ADGRB3: variants seen among roughly 807,000 people sequenced by gnomAD.
ADGRB3 encodes the protein brain-specific angiogenesis inhibitor 3.
In ADGRB3, 37 loss-of-function variants were observed where a neutral mutation model predicts 193.4. The observed-to-expected ratio is 0.19, with a 90% confidence interval of 0.15 to 0.25. The LOEUF is 0.25. Ranked by LOEUF, ADGRB3 falls within the 10% of genes least tolerant of loss-of-function variation. ADGRB3 has a pLI of 1.00. For synonymous variants in ADGRB3, 690 were observed against 644.2 expected (o/e 1.07, Z -1.08); for missense variants, 1,637 against 1,852.9 (o/e 0.88, Z 2.14).
chr6:69,320,187 T>C (rs959516482), intron 20 of ADGRB3, among the ~76,000 whole-genome samples: 1 of 151,526 alleles, frequency 6.6e-6, no homozygotes, highest in Non-Finnish European at 1.5e-5. Context: ...AATACTTTTA[T>C]GTTCCTCTAC....
chr6:68,746,579 C>G (rs968035614), intron 3 of ADGRB3, among the ~76,000 whole-genome samples: 1 of 151,784 alleles, frequency 6.6e-6, no homozygotes, highest in Non-Finnish European at 1.5e-5. Context: ...TCTCAATGAC[C>G]CTTTGTTTTT....
intron 3 of ADGRB3, among the ~76,000 whole-genome samples, chr6:68,850,013 A>G (rs1768365088): frequency 6.6e-6 from 1 of 151,956 alleles, no homozygotes; most frequent in African/African-American, 2.4e-5. Context: ...ACATATTTAA[A>G]ATATGTGTAA....
intron 10 of ADGRB3, among the ~76,000 whole-genome samples, chr6:68,989,713 C>T (rs1769178749): frequency 6.6e-6 from 1 of 152,026 alleles, no homozygotes; most frequent in South Asian, 2.1e-4. Context: ...CAATTTAAAT[C>T]TAGGTTTTAT....
At chr6:69,031,722 C>T (rs1377161813) in intron 13 of ADGRB3, among the ~76,000 whole-genome samples, 1 of 151,502 alleles carries the variant, frequency 6.6e-6, no homozygotes, top group African/African-American at 2.4e-5. Context: ...ACAACCTCCA[C>T]CTCCTGGGCT....
chr6:69,339,311 G>A (rs556981711), intron 25 of ADGRB3, 22 bp from the exon 26 acceptor site: 1 of 1,610,418 alleles, frequency 6.2e-7, no homozygotes, highest in South Asian at 1.1e-5. Flanking sequence ...GCTACGTAAT[G>A]TTACTTTCTT....
intron 10 of ADGRB3, among the ~76,000 whole-genome samples, chr6:68,979,713 A>G (rs1768852595): frequency 6.6e-6 from 1 of 151,540 alleles, no homozygotes; most frequent in Non-Finnish European, 1.5e-5. Flanking sequence ...AATTAACAAT[A>G]TCATTTCTTA....
At chr6:69,214,199 G>C (rs536180087) in intron 17 of ADGRB3, among the ~76,000 whole-genome samples, 352 of 152,254 alleles carry the variant, frequency 2.3e-3, no homozygotes, top group African/African-American at 8.0e-3. Flanking sequence ...GGAATATGCA[G>C]GAGGAATTTG....
Position 68,993,897 on chromosome 6 carries a change from A to T in ADGRB3, c.1864A>T (p.Ile622Phe), listed in dbSNP as rs1259195497. The change falls in exon 11 of 32, where the codon ATC (isoleucine) becomes TTC (phenylalanine). Residue 622 changes from isoleucine to phenylalanine, a missense_variant. Physicochemically the swap from Ile to Phe is conservative, Grantham distance 21. Transcript: ENST00000370598. Reference protein sequence around the residue: ...YAGDLLMSVEILRNVTDTFKR... With the variant: ...YAGDLLMSVEFLRNVTDTFKR... ...AGGCGATCTTCTGATGTCTGTGGAG[A>T]TCCTGAGAAATGTGACAGACACATT... 6.2e-7 allele frequency: 1 copy of T among 1,613,898 alleles called. No individual in the cohort carries two copies. The highest frequency in any genetic ancestry group is 8.5e-7 in the Non-Finnish European group (1 of 1,179,852).
At position 69,361,461 on chromosome 6, in the gene ADGRB3, A is replaced by G. The variant is rs144565451; in HGVS notation, c.4188A>G (p.Ala1396=). ...NFMASELDDN[A]GLSRSETGST... ...TGGCCTCTGAGTTGGATGATAATGC[A>G]GGACTATCAAGAAGTGAAACTGGAT... is the stretch of plus-strand genomic sequence containing the variant. The change falls in exon 29 of 32, where the codon GCA becomes GCG. Residue 1396 remains alanine (A), a synonymous_variant. Transcript: ENST00000370598. The G allele has an allele frequency of 1.1e-4, 182 of 1,612,754 alleles. No homozygotes were observed. In the African/African-American group the frequency reaches 2.0e-3, roughly 18 times the overall value.
chr6:68,668,566 A>C (rs1768857458), intron 3 of ADGRB3, among the ~76,000 whole-genome samples: 1 of 151,974 alleles, frequency 6.6e-6, no homozygotes, highest in East Asian at 1.9e-4. Context: ...TATAGGAAAT[A>C]ATTTATTTTC....
chr6:68,811,666 C>T (rs1381428700), intron 3 of ADGRB3, among the ~76,000 whole-genome samples: 1 of 152,088 alleles, frequency 6.6e-6, no homozygotes, highest in Non-Finnish European at 1.5e-5. Context: ...GACAGGGTTT[C>T]ACCATGTTGG....
At chr6:68,996,438 A>T (rs1041561621) in intron 11 of ADGRB3, among the ~76,000 whole-genome samples, 2 of 152,224 alleles carry the variant, frequency 1.3e-5, no homozygotes, top group Non-Finnish European at 2.9e-5. Context: ...AACCTTTGGT[A>T]GAGCTTCAAG....
At chr6:68,848,657 A>G (rs1269204781) in intron 3 of ADGRB3, among the ~76,000 whole-genome samples, 1 of 152,034 alleles carries the variant, frequency 6.6e-6, no homozygotes, top group East Asian at 1.9e-4. Flanking sequence ...TATTAAGTCT[A>G]AATTCTAAAA....
At chr6:68,849,341 T>C (rs1420312199) in intron 3 of ADGRB3, among the ~76,000 whole-genome samples, 1 of 151,082 alleles carries the variant, frequency 6.6e-6, no homozygotes, top group Admixed American at 6.6e-5. Flanking sequence ...TAAATTCTAA[T>C]TTACAATTCA....
intron 3 of ADGRB3, among the ~76,000 whole-genome samples, chr6:68,868,687 G>GT (rs1323801139): frequency 6.6e-6 from 1 of 152,134 alleles, no homozygotes; most frequent in East Asian, 1.9e-4. Context: ...AAAAAATCTA[G>GT]TTTTAGGAAT....
At chr6:69,202,565 A>G (rs1397492520) in intron 17 of ADGRB3, among the ~76,000 whole-genome samples, 1 of 152,160 alleles carries the variant, frequency 6.6e-6, no homozygotes. Flanking sequence ...TTTCACAGGT[A>G]GACTCGAATG....
At chr6:68,937,110 C>A (rs1404781369) in intron 5 of ADGRB3, among the ~76,000 whole-genome samples, 1 of 152,080 alleles carries the variant, frequency 6.6e-6, no homozygotes, top group East Asian at 1.9e-4. Flanking sequence ...CTTATCTGAC[C>A]CTATCAAAGA....
At chr6:69,387,488 T>A (rs896467324) in intron 31 of ADGRB3, among the ~76,000 whole-genome samples, 2 of 120,984 alleles carry the variant, frequency 1.7e-5, no homozygotes, top group African/African-American at 5.4e-5. Flanking sequence ...TTCTCAGAAG[T>A]AAGGTTAATC....
At chr6:69,014,923 G>A (rs1378029337) in intron 12 of ADGRB3, among the ~76,000 whole-genome samples, 3 of 151,788 alleles carry the variant, frequency 2.0e-5, no homozygotes, top group Non-Finnish European at 4.4e-5. Context: ...AGTAAAGCAT[G>A]CCTTTTATCC....
Sources: allele counts gnomAD v4.1 joint callset (sites outside exome capture counted in the v4.1 genomes callset), GRCh38; gene constraint gnomAD v4.1.1; transcripts MANE v1.5; gene names NCBI Gene and HGNC (gene_info 2026-07-23, HGNC 2026-07-21).